The following PITPNC1 variants were observed in gnomAD, a reference collection of about 807,000 sequenced individuals.
The protein encoded by PITPNC1 is phosphatidylinositol transfer protein cytoplasmic 1, also known as cytoplasmic phosphatidylinositol transfer protein 1.
PITPNC1 carries 18 observed loss-of-function variants against 44.7 expected under a neutral mutation model. The observed-to-expected ratio is 0.40, with a 90% CI of 0.28 to 0.60. The LOEUF is 0.60. Ranked by LOEUF, PITPNC1 falls within the 20% of genes least tolerant of loss-of-function variation. The pLI is 0.39. For synonymous variants in PITPNC1, 141 were observed against 149.6 expected, an observed-to-expected ratio of 0.94 and a Z score of 0.42; for missense variants, 290 against 418.4, an observed-to-expected ratio of 0.69 and a Z score of 2.68.
rs573788695 is a variant in PITPNC1 at position 67,690,128 on chromosome 17, C to T, written c.683-2444C>T. ...TAAGGATTTCATTTTGTGAAAAATA[C>T]TTCTGGTTTGCTCAGATGTTATAAA... On this transcript the variant is annotated intron_variant, in intron 8 of 8. Coordinates refer to ENST00000581322, the MANE Select transcript of PITPNC1 (RefSeq NM_012417.4). 2.0e-5 allele frequency among the ~76,000 whole-genome samples: 3 copies of T among 152,230 alleles called. No homozygotes were observed. The South Asian group carries it at 6.2e-4, about 32-fold the overall frequency.
At chr17:67,422,493 A>T (rs1350220954) in intron 1 of PITPNC1, among the ~76,000 whole-genome samples, 1 of 152,122 alleles carries the variant, frequency 6.6e-6, no homozygotes, top group Non-Finnish European at 1.5e-5. Flanking sequence ...TCCTGAGTAC[A>T]TACAGGTGTG....
intron 1 of PITPNC1, among the ~76,000 whole-genome samples, chr17:67,449,478 A>G (rs141045895): frequency 9.8e-5 from 15 of 152,362 alleles, no homozygotes; most frequent in Admixed American, 7.2e-4. Context: ...TGGAATAAGC[A>G]TAACACTTTT....
At chr17:67,567,968 T>C (rs2041003060) in intron 4 of PITPNC1, among the ~76,000 whole-genome samples, 1 of 151,664 alleles carries the variant, frequency 6.6e-6, no homozygotes, top group Non-Finnish European at 1.5e-5. Context: ...TGAGACTCCA[T>C]TTCAAAAAGA....
chr17:67,612,148 G>T (rs927879562), intron 5 of PITPNC1: 1 of 152,248 alleles, frequency 6.6e-6, no homozygotes, highest in Non-Finnish European at 1.5e-5. Flanking sequence ...CTCATCTTGG[G>T]CAGGCAGATA....
chr17:67,457,534 CTG>C (rs1459918028), intron 1 of PITPNC1: 1 of 152,574 alleles, frequency 6.6e-6, no homozygotes, highest in Non-Finnish European at 1.5e-5. Flanking sequence ...CTACAGGCGC[CTG>C]CCACCAGGCC....
At chr17:67,518,837 A>G (rs1040239565) in intron 1 of PITPNC1, among the ~76,000 whole-genome samples, 3 of 152,138 alleles carry the variant, frequency 2.0e-5, no homozygotes, top group South Asian at 2.1e-4. Flanking sequence ...CGGCTACTCC[A>G]GATGCTGAAG....
chr17:67,633,411 G>A (rs144284605), intron 6 of PITPNC1, among the ~76,000 whole-genome samples: 9 of 152,124 alleles, frequency 5.9e-5, no homozygotes, highest in African/African-American at 1.7e-4. Flanking sequence ...GGTTCATTTC[G>A]GTATAAAAGT....
rs917368378 is a variant in PITPNC1 at position 67,508,557 on chromosome 17, C to T, written c.49-24245C>T. ...TTTTTTTATGACCTGTATCTCACGC[C>T]GACCTTCTGTCTCATCCTGTGACTT... On this transcript the variant is annotated intron_variant, in intron 1 of 8. Coordinates refer to ENST00000581322, the MANE Select transcript of PITPNC1 (RefSeq NM_012417.4). This position sits in a 1 kb window ranked among gnomAD's most constrained non-coding sequence, Gnocchi z 4.2. Among the ~76,000 whole-genome samples, 3 of 152,136 alleles carry T rather than the reference C, an allele frequency of 2.0e-5. No homozygotes were observed. Among genetic ancestry groups the T allele is most frequent in the East Asian group, 3.9e-4 (2 of 5,186 alleles).
chr17:67,436,012 A>G (rs1334823741), intron 1 of PITPNC1, among the ~76,000 whole-genome samples: 1 of 152,066 alleles, frequency 6.6e-6, no homozygotes, highest in Admixed American at 6.6e-5. Flanking sequence ...TTTTTGAGAT[A>G]CAATCTTGCT....
At chr17:67,566,724 A>C (rs142763212) in intron 4 of PITPNC1, among the ~76,000 whole-genome samples, 10 of 152,350 alleles carry the variant, frequency 6.6e-5, no homozygotes, top group African/African-American at 2.2e-4. Flanking sequence ...CACGTCTATC[A>C]TATGACAGAT....
chr17:67,585,796 C>T (rs554927685), intron 5 of PITPNC1, among the ~76,000 whole-genome samples: 6 of 152,174 alleles, frequency 3.9e-5, no homozygotes, highest in South Asian at 4.2e-4. Flanking sequence ...TAGAGAGAGA[C>T]GCTGTCTCAA....
intron 5 of PITPNC1, among the ~76,000 whole-genome samples, chr17:67,580,517 T>G (rs922179733): frequency 6.6e-6 from 1 of 152,052 alleles, no homozygotes; most frequent in Non-Finnish European, 1.5e-5. Context: ...ATTTTTGTGT[T>G]TTTTTTAGAG....
intron 1 of PITPNC1, among the ~76,000 whole-genome samples, chr17:67,515,853 A>G (rs958966147): frequency 6.6e-6 from 1 of 152,232 alleles, no homozygotes; most frequent in Admixed American, 6.5e-5. Context: ...TTCATGAAAT[A>G]ACTGTCACAT....
chr17:67,420,243 T>C (rs1245338131), intron 1 of PITPNC1, among the ~76,000 whole-genome samples: 10 of 152,134 alleles, frequency 6.6e-5, no homozygotes, highest in Non-Finnish European at 8.8e-5. Flanking sequence ...AATTACTAAG[T>C]GCCCCTGGGT....
At chr17:67,670,704 T>C (rs112656975) in intron 7 of PITPNC1, among the ~76,000 whole-genome samples, 19,385 of 140,718 alleles carry the variant, frequency 0.14, 1,316 homozygotes, top group East Asian at 0.23. Context: ...TGAGCCAAGA[T>C]CGTGCTGCTG....
At chr17:67,644,146 T>C (rs1449317387) in intron 6 of PITPNC1, among the ~76,000 whole-genome samples, 1 of 152,242 alleles carries the variant, frequency 6.6e-6, no homozygotes, top group East Asian at 1.9e-4. Context: ...GTGTCTCTGC[T>C]ACTTCACCTC....
intron 1 of PITPNC1, among the ~76,000 whole-genome samples, chr17:67,437,842 C>A (rs562984773): frequency 3.3e-5 from 5 of 151,980 alleles, no homozygotes; most frequent in Non-Finnish European, 7.4e-5. Context: ...CCGAGGCGGG[C>A]GGATCACTTG....
At chr17:67,465,934 G>A (rs2039420009) in intron 1 of PITPNC1, among the ~76,000 whole-genome samples, 1 of 151,732 alleles carries the variant, frequency 6.6e-6, no homozygotes, top group African/African-American at 2.4e-5. Context: ...AGGTGTCTTG[G>A]GAGTCCATGA....
intron 4 of PITPNC1, among the ~76,000 whole-genome samples, chr17:67,554,944 C>T (rs891555133): frequency 6.6e-6 from 1 of 152,178 alleles, no homozygotes; most frequent in African/African-American, 2.4e-5. Flanking sequence ...CAGAGATTTT[C>T]ATAACATTAA....
Sources: allele counts gnomAD v4.1 joint callset (sites outside exome capture counted in the v4.1 genomes callset), GRCh38; gene constraint gnomAD v4.1.1; non-coding constraint Gnocchi (gnomAD v3.1); transcripts MANE v1.5; gene names NCBI Gene and HGNC (gene_info 2026-07-23, HGNC 2026-07-21).